Variants in DSCAM observed in about 807,000 individuals in gnomAD.
DSCAM encodes the protein DS cell adhesion molecule, also known as cell adhesion molecule DSCAM.
Under a neutral mutation model 217.7 loss-of-function variants are expected in DSCAM, and 47 were observed. The observed-to-expected ratio is 0.22, with a 90% CI of 0.17 to 0.28. DSCAM has a LOEUF of 0.28. DSCAM is among the 10% of genes least tolerant of loss of function. The probability of loss-of-function intolerance (pLI) is 1.00; values close to 1 mark genes in which losing one functional copy is unlikely to be tolerated. For missense variants in DSCAM, 2,080 were observed against 2,618.3 expected, an observed-to-expected ratio of 0.79 and a Z score of 4.49; for synonymous variants, 1,056 against 1,015.3, an observed-to-expected ratio of 1.04 and a Z score of -0.76.
chr21:40,199,783 G>C (rs900118969), intron 11 of DSCAM, among the ~76,000 whole-genome samples: 57 of 152,050 alleles, frequency 3.7e-4, no homozygotes, highest in Non-Finnish European at 7.8e-4. Flanking sequence ...CGGTGGGTGG[G>C]GCAAGGGGAG....
chr21:40,124,399 T>C (rs2090071873), intron 19 of DSCAM, 71 bp from the exon 20 acceptor site: 6 of 1,588,596 alleles, frequency 3.8e-6, no homozygotes, highest in East Asian at 2.2e-5. Flanking sequence ...CTTCCCAACA[T>C]GACCCCACTC....
intron 16 of DSCAM, among the ~76,000 whole-genome samples, chr21:40,165,848 G>T (rs1191331298): frequency 6.6e-6 from 1 of 152,062 alleles, no homozygotes; most frequent in Admixed American, 6.6e-5. Flanking sequence ...AGAGTGGCGG[G>T]AATGCGTGTG....
chr21:40,044,417 A>G, intron 30 of DSCAM, 142 bp from the exon 31 acceptor site: 1 of 751,820 alleles, frequency 1.3e-6, no homozygotes, highest in Non-Finnish European at 2.1e-6. Context: ...TCTCCTGTGC[A>G]GAGGATACTT....
intron 1 of DSCAM, among the ~76,000 whole-genome samples, chr21:40,815,452 G>C (rs2091872748): frequency 6.6e-6 from 1 of 152,132 alleles, no homozygotes; most frequent in African/African-American, 2.4e-5. Context: ...CCAGGATAAA[G>C]CTGGCACCAA....
intron 11 of DSCAM, among the ~76,000 whole-genome samples, chr21:40,253,653 C>T (rs900167400): frequency 6.6e-6 from 1 of 152,222 alleles, no homozygotes; most frequent in Non-Finnish European, 1.5e-5. Flanking sequence ...ATGATTTAAT[C>T]AATCACGCCT....
At chr21:40,408,239 T>G (rs992818523) in intron 3 of DSCAM, among the ~76,000 whole-genome samples, 1 of 152,096 alleles carries the variant, frequency 6.6e-6, no homozygotes, top group African/African-American at 2.4e-5. Flanking sequence ...TTTTCATTGA[T>G]GACGTGGATG....
chr21:40,266,111 A>G (rs1233026244), intron 11 of DSCAM, among the ~76,000 whole-genome samples: 3 of 152,198 alleles, frequency 2.0e-5, no homozygotes, highest in South Asian at 2.1e-4. Context: ...GCATCCGACA[A>G]AGTACTAATA....
chr21:40,664,402 C>T (rs2090176263), intron 3 of DSCAM, among the ~76,000 whole-genome samples: 1 of 152,120 alleles, frequency 6.6e-6, no homozygotes, highest in Admixed American at 6.5e-5. Flanking sequence ...AAGTTCCCTG[C>T]CCTGTTTCCC....
chr21:40,806,837 A>G lies in DSCAM; in HGVS notation c.43+39782T>C, dbSNP rs147907589. 2.5e-3 allele frequency among the ~76,000 whole-genome samples: 382 copies of G among 152,334 alleles called. 2 individuals carry two copies. Among genetic ancestry groups the G allele is most frequent in the Non-Finnish European group, 3.9e-3 (267 of 68,048 alleles). On this transcript the variant is annotated intron_variant, in intron 1 of 32. Coordinates refer to ENST00000400454, the MANE Select transcript of DSCAM (RefSeq NM_001389.5). ...GACATGGATGAAGCTGGAAACCATC[A>G]TTCTCAGTAAACTAACACAAGAACA...
At chr21:40,576,622 A>G (rs1370967090) in intron 3 of DSCAM, among the ~76,000 whole-genome samples, 2 of 152,154 alleles carry the variant, frequency 1.3e-5, no homozygotes, top group Non-Finnish European at 2.9e-5. Context: ...GAACAGAGAC[A>G]AGTTAAGATA....
At position 40,187,887 on chromosome 21, in the gene DSCAM, C is replaced by CT; in HGVS notation, c.2650+3dup. 6.2e-7 allele frequency: 1 copy of CT among 1,611,128 alleles called. No homozygotes were observed. Among genetic ancestry groups the CT allele is most frequent in the Non-Finnish European group, 8.5e-7 (1 of 1,177,266 alleles). ...TTTATTCTCTTACGCTATCGTCTTC[C>CT]TACCTTGCACTGTGAGCTGAATTAT... On this transcript the variant is annotated splice_donor_region_variant and intron_variant, in intron 13 of 32. Transcript: ENST00000400454.
chr21:40,529,176 A>G (rs1365418229), intron 3 of DSCAM, among the ~76,000 whole-genome samples: 1 of 152,008 alleles, frequency 6.6e-6, no homozygotes, highest in Non-Finnish European at 1.5e-5. Flanking sequence ...AATTACAGAC[A>G]TAAGCCACTG....
At chr21:40,137,451 T>A (rs1836035225) in intron 18 of DSCAM, among the ~76,000 whole-genome samples, 1 of 152,052 alleles carries the variant, frequency 6.6e-6, no homozygotes, top group African/African-American at 2.4e-5. Flanking sequence ...CTAGCAGATA[T>A]GGAAGAAATA....
At chr21:40,263,230 C>G (rs2837543) in intron 11 of DSCAM, among the ~76,000 whole-genome samples, 5,250 of 152,078 alleles carry the variant, frequency 0.035, 311 homozygotes, top group East Asian at 0.22. Context: ...AAAGGTGGGT[C>G]CCTCACATTA....
chr21:40,132,562 GA>G (rs1475419179), intron 19 of DSCAM, among the ~76,000 whole-genome samples: 9 of 152,102 alleles, frequency 5.9e-5, no homozygotes, highest in African/African-American at 1.2e-4. Flanking sequence ...GTGCATTTTA[GA>G]AAAAAACTAA....
intron 3 of DSCAM, among the ~76,000 whole-genome samples, chr21:40,459,566 A>G (rs1446341261): frequency 6.6e-6 from 1 of 152,236 alleles, no homozygotes; most frequent in African/African-American, 2.4e-5. Flanking sequence ...AGTATAAAAA[A>G]TGTGTACAAA....
chr21:40,674,793 C>A (rs1446839937), intron 3 of DSCAM, among the ~76,000 whole-genome samples: 1 of 151,928 alleles, frequency 6.6e-6, no homozygotes, highest in African/African-American at 2.4e-5. Context: ...CCACCACGCC[C>A]GGCTAATCTT....
At chr21:40,564,404 T>C (rs1473758189) in intron 3 of DSCAM, among the ~76,000 whole-genome samples, 1 of 152,232 alleles carries the variant, frequency 6.6e-6, no homozygotes, top group Non-Finnish European at 1.5e-5. Context: ...GAAATTGTTC[T>C]GACTATGCAC....
intron 28 of DSCAM, among the ~76,000 whole-genome samples, chr21:40,060,497 T>C (rs898819131): frequency 6.6e-6 from 1 of 151,742 alleles, no homozygotes; most frequent in Non-Finnish European, 1.5e-5. Flanking sequence ...CAGAGCACAG[T>C]TGAGGGGAGG....
Sources: allele counts gnomAD v4.1 joint callset (sites outside exome capture counted in the v4.1 genomes callset), GRCh38; gene constraint gnomAD v4.1.1; transcripts MANE v1.5; gene names NCBI Gene and HGNC (gene_info 2026-07-23, HGNC 2026-07-21).